ELAPOR2: variants seen among roughly 807,000 people sequenced by gnomAD.
ELAPOR2 encodes endosome/lysosome-associated apoptosis and autophagy regulator family member 2.
Under a neutral mutation model 120.7 loss-of-function variants are expected in ELAPOR2, and 89 were observed. The ratio of observed to expected loss-of-function variants is 0.74; its 90% CI spans 0.62 to 0.88. The LOEUF is 0.88. Ranked by LOEUF, ELAPOR2 falls within the 40% of genes least tolerant of loss-of-function variation. The pLI is 0.00. For synonymous variants in ELAPOR2, 444 were observed against 444.9 expected, an observed-to-expected ratio of 1.00 and a Z score of 0.03; for missense variants, 1,134 against 1,251.6, an observed-to-expected ratio of 0.91 and a Z score of 1.42.
chr7:86,924,643 C>T (rs1789982829), intron 10 of ELAPOR2, among the ~76,000 whole-genome samples: 1 of 151,890 alleles, frequency 6.6e-6, no homozygotes, highest in Non-Finnish European at 1.5e-5. Context: ...TATACTGAGG[C>T]TTTGTCTTTT....
At chr7:86,896,859 CTCTT>C (rs1312697806) in intron 19 of ELAPOR2, among the ~76,000 whole-genome samples, 2 of 152,188 alleles carry the variant, frequency 1.3e-5, no homozygotes, top group East Asian at 1.9e-4. Context: ...TTCAATTAAT[CTCTT>C]TCTAATAATA....
intron 2 of ELAPOR2, among the ~76,000 whole-genome samples, chr7:86,964,527 C>T (rs1404322658): frequency 2.0e-5 from 3 of 151,986 alleles, no homozygotes; most frequent in Admixed American, 6.6e-5. Context: ...ATATTTAATG[C>T]CCCTGAACTA....
At chr7:86,969,072 T>C (rs888297800) in intron 1 of ELAPOR2, among the ~76,000 whole-genome samples, 1 of 152,154 alleles carries the variant, frequency 6.6e-6, no homozygotes, top group Non-Finnish European at 1.5e-5. Flanking sequence ...TACCCTTCCA[T>C]ATAAATCATG....
chr7:86,905,120 AAGGAAG>A (rs1481438464), intron 18 of ELAPOR2, among the ~76,000 whole-genome samples: 34 of 149,492 alleles, frequency 2.3e-4, no homozygotes, highest in African/African-American at 7.2e-4. Context: ...GGAAGGAAGG[AAGGAAG>A]GAAAGAAAGA....
intron 1 of ELAPOR2, among the ~76,000 whole-genome samples, chr7:87,030,312 G>A (rs946370277): frequency 6.6e-6 from 1 of 152,022 alleles, no homozygotes; most frequent in African/African-American, 2.4e-5. Flanking sequence ...TCTCTTCCTG[G>A]AACAATATAA....
intron 1 of ELAPOR2, among the ~76,000 whole-genome samples, chr7:87,039,904 T>C (rs1794711150): frequency 1.3e-5 from 2 of 152,100 alleles, no homozygotes; most frequent in African/African-American, 2.4e-5. Context: ...CGCAGGTCAG[T>C]GGGTGCGCGC....
intron 1 of ELAPOR2, among the ~76,000 whole-genome samples, chr7:87,023,314 A>G (rs1794125609): frequency 1.3e-5 from 2 of 152,352 alleles, no homozygotes; most frequent in South Asian, 4.1e-4. Context: ...CCATTTATTA[A>G]ATAGGGAATC....
At chr7:87,025,141 A>T (rs1282174822) in intron 1 of ELAPOR2, among the ~76,000 whole-genome samples, 1 of 152,106 alleles carries the variant, frequency 6.6e-6, no homozygotes, top group Middle Eastern at 3.2e-3. Flanking sequence ...TAAGTATTTC[A>T]TGCTAAATGT....
intron 21 of ELAPOR2, among the ~76,000 whole-genome samples, chr7:86,887,617 G>A (rs1000459427): frequency 6.6e-6 from 1 of 152,064 alleles, no homozygotes; most frequent in Non-Finnish European, 1.5e-5. Context: ...TATCACAAAA[G>A]CTACCCATAA....
Position 86,928,330 on chromosome 7 carries a change from C to T in ELAPOR2, c.1090-1414G>A, listed in dbSNP as rs569526330. 2.5e-4 allele frequency among the ~76,000 whole-genome samples: 38 copies of T among 152,076 alleles called. 1 individual carries two copies. The South Asian group carries it at 6.0e-3, about 24-fold the overall frequency. The stretch of plus-strand genomic sequence containing the variant: ...CAGAGAATCTAAGCAAATGAAACAT[C>T]ATCATATTGGAGAGATTACTTTCTT... On this transcript the variant is annotated intron_variant, in intron 8 of 21. Coordinates refer to ENST00000450689, the MANE Select transcript of ELAPOR2 (RefSeq NM_001142749.3).
In ELAPOR2 at chr7:86,978,264, C is replaced by T. The variant is rs544233894; in HGVS notation, c.190-13240G>A. On this transcript the variant is annotated intron_variant, in intron 1 of 21. Transcript: ENST00000450689. ...GTGACTGTAAGTTTCCTGAGGCCTC[C>T]GCAGCCATGTGGAACTGTGAATCAA... is the stretch of plus-strand genomic sequence containing the variant. Among the ~76,000 whole-genome samples the T allele has an allele frequency of 1.2e-4, 18 of 152,230 alleles. No individual in the cohort carries two copies. In the South Asian group the frequency reaches 2.1e-3, roughly 18 times the overall value.
At chr7:87,057,152 C>T (rs55723217) in intron 1 of ELAPOR2, among the ~76,000 whole-genome samples, 2,414 of 152,278 alleles carry the variant, frequency 0.016, 64 homozygotes, top group African/African-American at 0.056. Context: ...AGGCGTTTAG[C>T]CCACAATCCC....
At chr7:86,928,790 A>G (rs1320385280) in intron 8 of ELAPOR2, among the ~76,000 whole-genome samples, 1 of 151,996 alleles carries the variant, frequency 6.6e-6, no homozygotes, top group Non-Finnish European at 1.5e-5. Flanking sequence ...ACCACTTTTA[A>G]ATACTTAAAA....
rs1789079252 is a variant in ELAPOR2 at position 86,907,559 on chromosome 7, G to A, written c.2558+111C>T. The A allele has an allele frequency of 6.0e-6, 4 of 671,754 alleles. No homozygotes were observed. The South Asian group carries it at 8.0e-5, about 13-fold the overall frequency. 41.6% of individuals were successfully genotyped at this position (671,754 alleles called of 1,614,324 possible). A position where few individuals can be genotyped will look rare whatever the true frequency, so the allele number is the denominator to read the frequency against. ...AAAAAAAAAAAAAACCCTACAGATT[G>A]TTCTGTTTTCTTTCTGCTTTATGTT... On this transcript the variant is annotated intron_variant, in intron 18 of 21. Transcript: ENST00000450689.
chr7:87,004,159 ATAAT>A (rs1032387085), intron 1 of ELAPOR2, among the ~76,000 whole-genome samples: 8 of 152,194 alleles, frequency 5.3e-5, no homozygotes, highest in Non-Finnish European at 1.2e-4. Context: ...AGCCGAGAAG[ATAAT>A]TAAGTAAAAT....
At chr7:87,008,665 G>T (rs1793560494) in intron 1 of ELAPOR2, among the ~76,000 whole-genome samples, 1 of 152,170 alleles carries the variant, frequency 6.6e-6, no homozygotes, top group South Asian at 2.1e-4. Context: ...AAAGTGTTGG[G>T]ATTACAGGCA....
At chr7:86,963,956 T>A (rs1286378849) in intron 2 of ELAPOR2, among the ~76,000 whole-genome samples, 1 of 152,212 alleles carries the variant, frequency 6.6e-6, no homozygotes, top group Non-Finnish European at 1.5e-5. Context: ...TTTCCCTAAC[T>A]TTCCTCATAA....
chr7:86,923,597 A>G (rs1163868688), intron 10 of ELAPOR2, among the ~76,000 whole-genome samples: 1 of 152,020 alleles, frequency 6.6e-6, no homozygotes, highest in East Asian at 1.9e-4. Context: ...TCTTTACATC[A>G]CACTGTTTCC....
chr7:86,985,099 T>C, intron 1 of ELAPOR2, among the ~76,000 whole-genome samples: 1 of 152,042 alleles, frequency 6.6e-6, no homozygotes, highest in East Asian at 1.9e-4. Context: ...AATTGATAAA[T>C]CCCTGGACAC....
Sources: allele counts gnomAD v4.1 joint callset (sites outside exome capture counted in the v4.1 genomes callset), GRCh38; gene constraint gnomAD v4.1.1; transcripts MANE v1.5; gene names NCBI Gene and HGNC (gene_info 2026-07-23, HGNC 2026-07-21).